The following NCS1 variants were observed in gnomAD, a reference collection of about 807,000 sequenced individuals.
NCS1 encodes the protein frequenin homolog.
Under a neutral mutation model 28.4 loss-of-function variants are expected in NCS1, and 6 were observed. The observed-to-expected ratio is 0.21, with a 90% confidence interval of 0.12 to 0.42. The LOEUF is 0.42. NCS1 is among the 10% of genes least tolerant of loss of function. NCS1 has a pLI of 1.00. For synonymous variants in NCS1, 86 were observed against 99.3 expected, an observed-to-expected ratio of 0.87 and a Z score of 0.79; for missense variants, 131 against 241.4, an observed-to-expected ratio of 0.54 and a Z score of 3.03.
chr9:130,209,766 C>T lies in NCS1; in HGVS notation c.90-8066C>T, dbSNP rs115693714. Among the ~76,000 whole-genome samples, 854 of 152,248 alleles carry T rather than the reference C, an allele frequency of 5.6e-3. 12 individuals carry two copies. Among genetic ancestry groups the T allele is most frequent in the South Asian group, 0.04 (192 of 4,820 alleles). On this transcript the variant is annotated intron_variant, in intron 2 of 7. Coordinates refer to ENST00000372398, the MANE Select transcript of NCS1 (RefSeq NM_014286.4). The surrounding 1 kb of genome is among the most constrained non-coding windows in gnomAD (Gnocchi z 4.4). ...CTGCCCTTTTAAAGAAGTGTAAGAA[C>T]GCCGTTGTTGAATCTAGGATTTTCT...
intron 1 of NCS1, among the ~76,000 whole-genome samples, chr9:130,188,423 CTT>C (rs34686734): frequency 5.0e-4 from 69 of 138,158 alleles, no homozygotes; most frequent in Non-Finnish European, 6.6e-4. Context: ...CTGAACTTTC[CTT>C]TTTTTTTTTT....
At chr9:130,202,700 C>T (rs868950134) in intron 2 of NCS1, among the ~76,000 whole-genome samples, 5 of 151,874 alleles carry the variant, frequency 3.3e-5, no homozygotes, top group South Asian at 2.1e-4. Flanking sequence ...TTGTCTCTGC[C>T]TCCCGAGTAG....
chr9:130,179,481 T>G (rs1463526823), intron 1 of NCS1, among the ~76,000 whole-genome samples: 2 of 152,218 alleles, frequency 1.3e-5, no homozygotes, highest in Non-Finnish European at 2.9e-5. Context: ...CATGAATGTC[T>G]TTGCACTAAA....
intron 2 of NCS1, among the ~76,000 whole-genome samples, chr9:130,216,240 G>A (rs71501115): frequency 6.6e-6 from 1 of 152,214 alleles, no homozygotes; most frequent in Non-Finnish European, 1.5e-5. Flanking sequence ...GGGGAGGGTG[G>A]AGGCTTTGTG....
rs983970122 is a variant in NCS1, at chr9:130,186,488, G to A, written c.64+13761G>A. ...CTGAATTTGATAGTACTGCTTGAGG[G>A]AGATGAGAAGTTTGCGGGGAGGGTT... On this transcript the variant is annotated intron_variant, in intron 1 of 7. Transcript: ENST00000372398. This position sits in a 1 kb window ranked among gnomAD's most constrained non-coding sequence, Gnocchi z 4.1. Among the ~76,000 whole-genome samples the A allele has an allele frequency of 1.3e-5, 2 of 152,290 alleles. No individual in the cohort carries two copies. Among genetic ancestry groups the A allele is most frequent in the East Asian group, 3.9e-4 (2 of 5,184 alleles).
chr9:130,200,813 A>G (rs1588115519), intron 1 of NCS1, 145 bp from the exon 2 acceptor site: 1 of 1,424,290 alleles, frequency 7.0e-7, no homozygotes, highest in Non-Finnish European at 9.9e-7. Flanking sequence ...CCAAGGGAGC[A>G]TTTTCTCATC....
At chr9:130,202,821 C>G (rs1463661129) in intron 2 of NCS1, among the ~76,000 whole-genome samples, 2 of 151,852 alleles carry the variant, frequency 1.3e-5, no homozygotes, top group African/African-American at 4.8e-5. Flanking sequence ...CTCAAGTGAT[C>G]CACCCACCTC....
In NCS1 at chr9:130,177,056, G is replaced by A. The variant is rs541625335; in HGVS notation, c.64+4329G>A. On this transcript the variant is annotated intron_variant, in intron 1 of 7. Coordinates refer to ENST00000372398, the MANE Select transcript of NCS1 (RefSeq NM_014286.4). This position sits in a 1 kb window ranked among gnomAD's most constrained non-coding sequence, Gnocchi z 4.4. The stretch of plus-strand genomic sequence containing the variant: ...GTTGCCTTTGGTCAGCCCAGGCTCT[G>A]CCTTGACCTTGCCTGCCAACCTTGA... 6.6e-6 allele frequency among the ~76,000 whole-genome samples: 1 copy of A among 152,318 alleles called. No homozygotes were observed. The highest frequency in any genetic ancestry group is 2.1e-4 in the South Asian group (1 of 4,830).
At chr9:130,179,774 A>G (rs1832628151) in intron 1 of NCS1, among the ~76,000 whole-genome samples, 1 of 152,252 alleles carries the variant, frequency 6.6e-6, no homozygotes, top group African/African-American at 2.4e-5. Context: ...ACTATGAAAT[A>G]GAATCCTAGT....
At chr9:130,208,888 G>T (rs1175588229) in intron 2 of NCS1, among the ~76,000 whole-genome samples, 1 of 152,190 alleles carries the variant, frequency 6.6e-6, no homozygotes, top group African/African-American at 2.4e-5. Context: ...GTGTGTGTGT[G>T]TGTGTGGAGT....
chr9:130,192,796 C>A lies in NCS1; in HGVS notation c.65-8162C>A, dbSNP rs565939925. On this transcript the variant is annotated intron_variant, in intron 1 of 7. Coordinates refer to ENST00000372398, the MANE Select transcript of NCS1 (RefSeq NM_014286.4). The surrounding 1 kb of genome is among the most constrained non-coding windows in gnomAD (Gnocchi z 4.8). ...GCTTGGGGCACCTGGAGGATTGGAG[C>A]AGCAGGTGGCTGCTTCCCAGCCCTC... Among the ~76,000 whole-genome samples, 18 of 152,128 alleles carry A rather than the reference C, an allele frequency of 1.2e-4. No individual in the cohort carries two copies. The highest frequency in any genetic ancestry group is 2.2e-4 in the Non-Finnish European group (15 of 68,000).
At chr9:130,202,150 T>C (rs1236562237) in intron 2 of NCS1, among the ~76,000 whole-genome samples, 3 of 152,236 alleles carry the variant, frequency 2.0e-5, no homozygotes, top group African/African-American at 7.2e-5. Context: ...GACATGGTTA[T>C]GTGCTTACGA....
At chr9:130,211,097 C>T (rs376327212) in intron 2 of NCS1, among the ~76,000 whole-genome samples, 2 of 149,320 alleles carry the variant, frequency 1.3e-5, no homozygotes, top group East Asian at 4.0e-4. Flanking sequence ...AGGTGATCCT[C>T]CTGCTTCGGC....
chr9:130,212,972 T>C (rs1833132398), intron 2 of NCS1, among the ~76,000 whole-genome samples: 1 of 152,052 alleles, frequency 6.6e-6, no homozygotes, highest in Non-Finnish European at 1.5e-5. Flanking sequence ...CTGGGAAGGT[T>C]CAGACCCCCC....
At chr9:130,204,585 G>A (rs547642590) in intron 2 of NCS1, among the ~76,000 whole-genome samples, 9 of 152,328 alleles carry the variant, frequency 5.9e-5, no homozygotes, top group African/African-American at 1.9e-4. Context: ...CACTGCGCCC[G>A]CCTCTGGGCT....
At chr9:130,225,535 T>C (rs781911259) in intron 6 of NCS1, among the ~76,000 whole-genome samples, 2 of 152,250 alleles carry the variant, frequency 1.3e-5, no homozygotes, top group Non-Finnish European at 2.9e-5. Flanking sequence ...ACAGACCCTG[T>C]AGTCACACTG....
rs1554906219 is a variant in NCS1 at position 130,191,117 on chromosome 9, CGTT to C, written c.65-9839_65-9837del. Among the ~76,000 whole-genome samples, 2 of 152,348 alleles carry C rather than the reference CGTT, an allele frequency of 1.3e-5. No homozygotes were observed. The highest frequency in any genetic ancestry group is 2.1e-4 in the South Asian group (1 of 4,830). On this transcript the variant is annotated intron_variant, in intron 1 of 7. Transcript: ENST00000372398. This position sits in a 1 kb window ranked among gnomAD's most constrained non-coding sequence, Gnocchi z 6.4. ...TCAGTGCTTGTGATGTGTATCCTCT[CGTT>C]GGCCCCTGACAGCGGGGCAGGGAGC...
chr9:130,173,218 A>G (rs1832515168), intron 1 of NCS1, among the ~76,000 whole-genome samples: 1 of 147,442 alleles, frequency 6.8e-6, no homozygotes, highest in African/African-American at 2.6e-5. Flanking sequence ...GGGTGGCGAG[A>G]CTTGGCACAG....
In NCS1 at chr9:130,219,692, C is replaced by T. The variant is rs370963682; in HGVS notation, c.229-33C>T. The T allele has an allele frequency of 3.7e-5, 59 of 1,610,754 alleles. No individual in the cohort carries two copies. Among genetic ancestry groups the T allele is most frequent in the Non-Finnish European group, 4.5e-5 (53 of 1,176,996 alleles). On this transcript the variant is annotated intron_variant, in intron 3 of 7. Transcript: ENST00000372398. This position sits in a 1 kb window ranked among gnomAD's most constrained non-coding sequence, Gnocchi z 5.7. ...GCCTGACCCGGTGGCCTGGCCGGCACTGACTGAGGCAATCCCCTCTCTCTC... is the reference window on the plus strand; with the variant it reads ...GCCTGACCCGGTGGCCTGGCCGGCATTGACTGAGGCAATCCCCTCTCTCTC...
Sources: allele counts gnomAD v4.1 joint callset (sites outside exome capture counted in the v4.1 genomes callset), GRCh38; gene constraint gnomAD v4.1.1; non-coding constraint Gnocchi (gnomAD v3.1); transcripts MANE v1.5; gene names NCBI Gene and HGNC (gene_info 2026-07-23, HGNC 2026-07-21).